The following SMNDC1 variants were observed in gnomAD, a reference collection of about 807,000 sequenced individuals.
SMNDC1 encodes the protein survival of motor neuron-related-splicing factor 30.
Under a neutral mutation model 29.2 loss-of-function variants are expected in SMNDC1, and 5 were observed. The ratio of observed to expected loss-of-function variants is 0.17; its 90% confidence interval spans 0.09 to 0.36. The LOEUF (loss-of-function observed/expected upper bound fraction) is 0.36, where lower values mean the gene tolerates loss of function less well. Among genes scored for constraint, SMNDC1 ranks in the 10% least tolerant of loss-of-function variants. SMNDC1 has a pLI of 1.00. For missense variants in SMNDC1, 142 were observed against 268.5 expected, an observed-to-expected ratio of 0.53 and a Z score of 3.29; for synonymous variants, 80 against 89.9, an observed-to-expected ratio of 0.89 and a Z score of 0.62.
intron 2 of SMNDC1, 71 bp downstream of exon 2, chr10:110,303,396 CT>C (rs1857687512): frequency 7.0e-7 from 1 of 1,433,642 alleles, no homozygotes; most frequent in Admixed American, 2.5e-5. Context: ...TCAAAAGGCG[CT>C]TTGGGTACTT....
intron 3 of SMNDC1, 65 bp downstream of exon 3, chr10:110,298,583 A>G: frequency 1.4e-6 from 2 of 1,413,748 alleles, no homozygotes; most frequent in Non-Finnish European, 1.9e-6. Context: ...AAACTGAATA[A>G]AAACTTCTTA....
chr10:110,301,074 G>A (rs1026235104), intron 2 of SMNDC1, among the ~76,000 whole-genome samples: 2 of 152,148 alleles, frequency 1.3e-5, no homozygotes, highest in African/African-American at 4.8e-5. Context: ...ATTAATAACT[G>A]GGATAAGGAT....
Position 110,294,118 on chromosome 10 carries a change from C to T in SMNDC1, c.*32G>A. ...AAGGATAAAAAGGTAAATGTAAAGC[C>T]CTGCAGAGATGAAATCCAACAGTTT... On this transcript the variant is annotated 3_prime_UTR_variant, in exon 6 of 6. Transcript: ENST00000369603. 1 of 1,530,536 alleles carries T rather than the reference C, an allele frequency of 6.5e-7. No individual in the cohort carries two copies. Among genetic ancestry groups the T allele is most frequent in the Non-Finnish European group, 8.8e-7 (1 of 1,141,276 alleles). 94.8% of individuals were successfully genotyped at this position (1,530,536 alleles called of 1,614,324 possible).
rs1161397506 is a variant in SMNDC1, at chr10:110,293,416, C to T, written c.*734G>A. 1 of 152,502 alleles carries T rather than the reference C, an allele frequency of 6.6e-6. No homozygotes were observed. Among genetic ancestry groups the T allele is most frequent in the Non-Finnish European group, 1.5e-5 (1 of 67,996 alleles). The allele number at this position is 152,502 out of a possible 1,614,324, so 9.4% of individuals were successfully genotyped here. A position where few individuals can be genotyped will look rare whatever the true frequency, so the allele number is the denominator to read the frequency against. On this transcript the variant is annotated 3_prime_UTR_variant, in exon 6 of 6. Transcript: ENST00000369603. ...GGGCTATACATCAGCTTTTTGTTCT[C>T]CCATATAAACATCACACATCCAAAA...
intron 3 of SMNDC1, among the ~76,000 whole-genome samples, chr10:110,297,954 T>TA (rs768571283): frequency 5.4e-4 from 82 of 152,350 alleles, no homozygotes; most frequent in Admixed American, 2.7e-3. Flanking sequence ...TACATGTACC[T>TA]ACTCAACGTG....
At chr10:110,300,854 A>G in intron 2 of SMNDC1, 1 of 287,438 alleles carries the variant, frequency 3.5e-6, no homozygotes, top group Non-Finnish European at 5.2e-6. Context: ...GGAGCTAGTC[A>G]GCTAGCTAGC....
chr10:110,295,494 T>C (rs544284703), intron 4 of SMNDC1, 113 bp from the exon 5 acceptor site: 1 of 694,984 alleles, frequency 1.4e-6, no homozygotes, highest in East Asian at 3.1e-5. Context: ...CAATGGTCTA[T>C]GAATAAAAAG....
intron 2 of SMNDC1, chr10:110,300,783 C>T: frequency 1.2e-6 from 1 of 868,958 alleles, no homozygotes; most frequent in Non-Finnish European, 1.4e-6. Context: ...CCTTTAGAAC[C>T]AGCTTATTCA....
intron 2 of SMNDC1, 163 bp from the exon 3 acceptor site, chr10:110,298,953 C>T (rs1259400291): frequency 3.6e-6 from 2 of 555,296 alleles, no homozygotes; most frequent in Non-Finnish European, 6.3e-6. Context: ...CATGTAGAAA[C>T]TGATACAGTA....
chr10:110,294,799 A>C (rs1311618952), intron 5 of SMNDC1, among the ~76,000 whole-genome samples: 1 of 152,234 alleles, frequency 6.6e-6, no homozygotes, highest in Admixed American at 6.5e-5. Flanking sequence ...CCTTATTCTC[A>C]ACTTCCTATA....
Position 110,294,133 on chromosome 10 carries a change from T to C in SMNDC1, c.*17A>G. The C allele has an allele frequency of 6.4e-7, 1 of 1,559,544 alleles. No homozygotes were observed. Among genetic ancestry groups the C allele is most frequent in the African/African-American group, 1.4e-5 (1 of 70,978 alleles). On this transcript the variant is annotated 3_prime_UTR_variant, in exon 6 of 6. Transcript: ENST00000369603. ...AATGTAAAGCCCTGCAGAGATGAAA[T>C]CCAACAGTTTTTCTGATTATTGAGG...
intron 2 of SMNDC1, 43 bp downstream of exon 2, chr10:110,303,425 T>C (rs1360084621): frequency 6.5e-7 from 1 of 1,530,218 alleles, no homozygotes; most frequent in Non-Finnish European, 8.7e-7. Context: ...CAAGCAATAA[T>C]TTGAAAAACA....
At chr10:110,299,483 T>A (rs985516303) in intron 2 of SMNDC1, among the ~76,000 whole-genome samples, 1 of 152,172 alleles carries the variant, frequency 6.6e-6, no homozygotes, top group Non-Finnish European at 1.5e-5. Context: ...GTGTGGCAAA[T>A]ATTTTTTTCT....
chr10:110,303,351 A>G (rs571700712), intron 2 of SMNDC1, 117 bp downstream of exon 2: 1 of 842,704 alleles, frequency 1.2e-6, no homozygotes, highest in East Asian at 2.9e-5. Flanking sequence ...GTACCTACAG[A>G]ATTTACATAT....
rs1174616722 is a variant in SMNDC1, at chr10:110,292,754, C to T, written c.*1396G>A. 2 of 151,882 alleles carry T rather than the reference C, an allele frequency of 1.3e-5. No homozygotes were observed. The highest frequency in any genetic ancestry group is 2.9e-5 in the Non-Finnish European group (2 of 67,966). The allele number at this position is 151,882 out of a possible 1,614,324, so 9.4% of individuals were successfully genotyped here. ...GATGAAGAATTCTACCTACCACTGT[C>T]CTAAGTTTCAATTTATAAAAAAAAT... On this transcript the variant is annotated 3_prime_UTR_variant, in exon 6 of 6. Transcript: ENST00000369603.
At chr10:110,297,512 C>T in intron 4 of SMNDC1, 55 bp downstream of exon 4, 1 of 1,529,954 alleles carries the variant, frequency 6.5e-7, no homozygotes, top group Non-Finnish European at 9.0e-7. Context: ...CAGACTACTT[C>T]AAGTATCCAA....
At chr10:110,300,464 A>T (rs1444974777) in intron 2 of SMNDC1, 12 of 690,964 alleles carry the variant, frequency 1.7e-5, no homozygotes, top group Non-Finnish European at 2.0e-5. Context: ...GAACCTTCTA[A>T]ATTTCTATTC....
At chr10:110,297,207 C>T (rs1189742028) in intron 4 of SMNDC1, among the ~76,000 whole-genome samples, 1 of 152,196 alleles carries the variant, frequency 6.6e-6, no homozygotes, top group Non-Finnish European at 1.5e-5. Context: ...TTACACTGTA[C>T]TATTAAAGCA....
intron 2 of SMNDC1, 118 bp downstream of exon 2, chr10:110,303,350 G>A: frequency 1.8e-5 from 15 of 837,512 alleles, no homozygotes; most frequent in Non-Finnish European, 2.5e-5. Flanking sequence ...GGTACCTACA[G>A]AATTTACATA....
Sources: gnomAD v4.1 joint callset for allele counts (sites outside exome capture counted in the v4.1 genomes callset) on GRCh38, gnomAD v4.1.1 for gene constraint, MANE v1.5 for transcripts, NCBI Gene and HGNC (gene_info 2026-07-23, HGNC 2026-07-21) for gene names.